TANC2: variants seen among roughly 807,000 people sequenced by gnomAD.
TANC2 encodes the protein tetratricopeptide repeat, ankyrin repeat and coiled-coil containing 2.
In TANC2, 26 loss-of-function variants were observed where a neutral mutation model predicts 210.5. That is an observed-to-expected ratio of 0.12 (90% CI 0.09 to 0.17). TANC2 has a LOEUF of 0.17. Among genes scored for constraint, TANC2 ranks in the 10% least tolerant of loss-of-function variants. The pLI is 1.00. For synonymous variants in TANC2, 931 were observed against 967.1 expected (o/e 0.96, Z 0.69); for missense variants, 2,129 against 2,608.9 (o/e 0.82, Z 4.01).
At chr17:63,033,403 G>T (rs2034850967) in intron 2 of TANC2, among the ~76,000 whole-genome samples, 1 of 152,114 alleles carries the variant, frequency 6.6e-6, no homozygotes, top group South Asian at 2.1e-4. Flanking sequence ...CATACAAAAA[G>T]ACACTCTTAT....
In TANC2 at chr17:63,036,914, G is replaced by A. The variant is rs2034995936; in HGVS notation, c.67+27288G>A. ...TTGTCCAGAGGGGATACACACCACA[G>A]CCCCCAGTAGATTCCTGAAACTATG... On this transcript the variant is annotated intron_variant, in intron 2 of 27. Coordinates refer to ENST00000689528, the Ensembl canonical transcript of TANC2. Among the ~76,000 whole-genome samples, 4 of 149,190 alleles carry A rather than the reference G, an allele frequency of 2.7e-5. No individual in the cohort carries two copies. In the Admixed American group the frequency reaches 2.7e-4, roughly 10 times the overall value.
At chr17:63,203,578 TTAGTG>T (rs998658179) in intron 7 of TANC2, among the ~76,000 whole-genome samples, 1 of 152,186 alleles carries the variant, frequency 6.6e-6, no homozygotes, top group African/African-American at 2.4e-5. Flanking sequence ...ATTTCTTTGA[TTAGTG>T]TAGAGGTTCT....
At position 63,395,731 on chromosome 17, in the gene TANC2, C is replaced by G; in HGVS notation, c.3052-12C>G. 6.2e-7 allele frequency: 1 copy of G among 1,612,168 alleles called. No homozygotes were observed. The highest frequency in any genetic ancestry group is 8.5e-7 in the Non-Finnish European group (1 of 1,179,116). On this transcript the variant is annotated splice_polypyrimidine_tract_variant and intron_variant, in intron 17 of 27. Coordinates refer to ENST00000689528, the Ensembl canonical transcript of TANC2. The stretch of plus-strand genomic sequence containing the variant: ...TCTGTGTTCACACATATCTCCTGTC[C>G]TCTCCTCTTAGGTGGATCATTTGGA...
At chr17:63,350,350 A>G (rs2046561329) in intron 12 of TANC2, among the ~76,000 whole-genome samples, 1 of 152,162 alleles carries the variant, frequency 6.6e-6, no homozygotes, top group South Asian at 2.1e-4. Flanking sequence ...GCTAACAAAT[A>G]ACTTTTATTT....
chr17:63,396,397 A>T (rs1186619264), intron 18 of TANC2: 1 of 164,628 alleles, frequency 6.1e-6, no homozygotes, highest in South Asian at 1.6e-4. Context: ...AAGCTAATAA[A>T]CTCCTTTATA....
chr17:63,309,728 T>A (rs2045052338), intron 9 of TANC2, among the ~76,000 whole-genome samples: 1 of 152,072 alleles, frequency 6.6e-6, no homozygotes, highest in South Asian at 2.1e-4. Flanking sequence ...CCGGAAATTA[T>A]TTTTGAAACT....
intron 12 of TANC2, among the ~76,000 whole-genome samples, chr17:63,347,557 T>C (rs1237618618): frequency 6.6e-6 from 1 of 152,234 alleles, no homozygotes; most frequent in Non-Finnish European, 1.5e-5. Context: ...GAAAACACTT[T>C]CAATTTAGAG....
intron 5 of TANC2, among the ~76,000 whole-genome samples, chr17:63,165,206 TG>T (rs1457249937): frequency 4.6e-5 from 7 of 151,912 alleles, no homozygotes; most frequent in African/African-American, 1.7e-4. Flanking sequence ...CCCAGGAGTT[TG>T]GGGCTGCAGT....
intron 5 of TANC2, among the ~76,000 whole-genome samples, chr17:63,173,454 C>T (rs1473589167): frequency 6.6e-6 from 1 of 152,204 alleles, no homozygotes; most frequent in African/African-American, 2.4e-5. Flanking sequence ...AATTTTTGCC[C>T]TTGCTTCCAA....
intron 8 of TANC2, among the ~76,000 whole-genome samples, chr17:63,267,183 T>A (rs1446522512): frequency 6.6e-6 from 1 of 152,202 alleles, no homozygotes; most frequent in Non-Finnish European, 1.5e-5. Flanking sequence ...GATACTCTAG[T>A]ATTTCTTATA....
At chr17:63,222,720 A>ACACACAC (rs2042226859) in intron 7 of TANC2, among the ~76,000 whole-genome samples, 14 of 148,866 alleles carry the variant, frequency 9.4e-5, no homozygotes, top group African/African-American at 3.2e-4. Flanking sequence ...AAACTGATTA[A>ACACACAC]ACACACACAC....
At chr17:62,972,272 C>T (rs976066340) in intron 1 of TANC2, among the ~76,000 whole-genome samples, 8 of 152,004 alleles carry the variant, frequency 5.3e-5, no homozygotes, top group African/African-American at 1.9e-4. Flanking sequence ...TTGTTATGTT[C>T]GGTCTCTTGT....
At chr17:63,251,567 A>G (rs1194504751) in intron 8 of TANC2, among the ~76,000 whole-genome samples, 1 of 152,154 alleles carries the variant, frequency 6.6e-6, no homozygotes, top group Non-Finnish European at 1.5e-5. Context: ...ACTAGGGACA[A>G]TGATTAATAA....
At chr17:63,268,054 A>G (rs994519346) in intron 9 of TANC2, among the ~76,000 whole-genome samples, 181 bp downstream of exon 9, 1 of 152,168 alleles carries the variant, frequency 6.6e-6, no homozygotes, top group Non-Finnish European at 1.5e-5. Flanking sequence ...ACACAAATAC[A>G]TTGTACTCCT....
At chr17:63,196,551 A>T (rs1469800622) in intron 6 of TANC2, among the ~76,000 whole-genome samples, 3 of 152,232 alleles carry the variant, frequency 2.0e-5, no homozygotes, top group African/African-American at 7.2e-5. Flanking sequence ...TATGGAGTGC[A>T]CCTTACTTGT....
At chr17:63,144,639 G>A (rs2039404401) in intron 4 of TANC2, among the ~76,000 whole-genome samples, 1 of 151,988 alleles carries the variant, frequency 6.6e-6, no homozygotes, top group South Asian at 2.1e-4. Flanking sequence ...CGTAGTATTG[G>A]GGAAGATAGA....
chr17:63,271,747 T>C (rs1020386253), intron 9 of TANC2, among the ~76,000 whole-genome samples: 11 of 152,010 alleles, frequency 7.2e-5, no homozygotes, highest in African/African-American at 2.7e-4. Context: ...ATGTCCTTTG[T>C]CCATTTTTTT....
At chr17:63,218,320 A>C (rs958783714) in intron 7 of TANC2, among the ~76,000 whole-genome samples, 1 of 152,150 alleles carries the variant, frequency 6.6e-6, no homozygotes, top group Non-Finnish European at 1.5e-5. Context: ...TGGATGAAAA[A>C]TTTTTAAATT....
chr17:63,261,148 G>A (rs1433187199), intron 8 of TANC2, among the ~76,000 whole-genome samples: 1 of 152,090 alleles, frequency 6.6e-6, no homozygotes, highest in East Asian at 1.9e-4. Flanking sequence ...GGAGGCTGAG[G>A]CAGGAGTATG....
Sources: allele counts gnomAD v4.1 joint callset (sites outside exome capture counted in the v4.1 genomes callset), GRCh38; gene constraint gnomAD v4.1.1; transcripts MANE v1.5; gene names NCBI Gene and HGNC (gene_info 2026-07-23, HGNC 2026-07-21).